ANK2: variants seen among roughly 807,000 people sequenced by gnomAD.
ANK2 encodes ankyrin 2.
ANK2 carries 83 observed loss-of-function variants against 360.5 expected under a neutral mutation model. That is an observed-to-expected ratio of 0.23 (90% CI 0.19 to 0.28). ANK2 has a LOEUF of 0.28. Ranked by LOEUF, ANK2 falls within the 10% of genes least tolerant of loss-of-function variation. The probability of loss-of-function intolerance (pLI) is 1.00; values close to 1 mark genes in which losing one functional copy is unlikely to be tolerated. For missense variants in ANK2, 4,201 were observed against 4,795.7 expected (o/e 0.88, Z 3.66); for synonymous variants, 1,740 against 1,759.5 (o/e 0.99, Z 0.28).
intron 1 of ANK2, among the ~76,000 whole-genome samples, chr4:113,073,200 C>T (rs1197502844): frequency 6.6e-6 from 1 of 151,870 alleles, no homozygotes; most frequent in Non-Finnish European, 1.5e-5. Flanking sequence ...AGGTGATCCA[C>T]CTGTCTCGGC....
At chr4:113,266,121 G>A (rs762202356) in intron 14 of ANK2, among the ~76,000 whole-genome samples, 3 of 151,892 alleles carry the variant, frequency 2.0e-5, no homozygotes, top group Non-Finnish European at 2.9e-5. Context: ...CCCTACCCCC[G>A]ACAGTCTCCA....
chr4:113,152,079 G>GAAAAAAA (rs1554193694), intron 1 of ANK2, among the ~76,000 whole-genome samples: 38 of 25,418 alleles, frequency 1.5e-3, no homozygotes, highest in East Asian at 2.5e-3. Context: ...AAAAAAAAAA[G>GAAAAAAA]AAAAAAAAAA....
At chr4:113,255,672 C>G (rs1360532602) in intron 10 of ANK2, 63 bp from the exon 11 acceptor site, 1 of 1,564,494 alleles carries the variant, frequency 6.4e-7, no homozygotes, top group African/African-American at 1.4e-5. Context: ...CTTTGCTGTA[C>G]TTTGGAACCT....
the ANK2 span, among the ~76,000 whole-genome samples, chr4:112,748,184 GT>G: frequency 6.6e-6 from 1 of 152,142 alleles, no homozygotes; most frequent in East Asian, 1.9e-4. Flanking sequence ...AAAAAACAAA[GT>G]TTTAAAATCT....
chr4:113,085,686 T>TA (rs557612364), intron 1 of ANK2, among the ~76,000 whole-genome samples: 68 of 152,278 alleles, frequency 4.5e-4, no homozygotes, highest in African/African-American at 1.6e-3. Flanking sequence ...GATAACTTTG[T>TA]AAAAGTCTTC....
At chr4:112,738,146 A>T in the ANK2 span, among the ~76,000 whole-genome samples, 1 of 152,192 alleles carries the variant, frequency 6.6e-6, no homozygotes, top group African/African-American at 2.4e-5. Flanking sequence ...GCAGTGGCTA[A>T]CACCTGTAAT....
chr4:113,047,029 A>G (rs1317023611), upstream of ANK2, among the ~76,000 whole-genome samples: 3 of 152,234 alleles, frequency 2.0e-5, no homozygotes, highest in African/African-American at 7.2e-5. Flanking sequence ...CTGACAAAGA[A>G]CATTAACAGC....
intron 24 of ANK2, among the ~76,000 whole-genome samples, chr4:113,316,338 C>A (rs2082950428): frequency 6.6e-6 from 1 of 152,094 alleles, no homozygotes; most frequent in Non-Finnish European, 1.5e-5. Context: ...TTGGAATATA[C>A]CTACATGTAA....
intron 1 of ANK2, among the ~76,000 whole-genome samples, chr4:112,831,286 A>T (rs1170999822): frequency 3.9e-5 from 6 of 152,174 alleles, no homozygotes. Context: ...GGGTGGGGAC[A>T]TGGAGAACTT....
rs751940643 is a variant in ANK2 at position 113,381,453 on chromosome 4, C to G, written c.11860-4C>G. 8 of 1,614,000 alleles carry G rather than the reference C, an allele frequency of 5.0e-6. No individual in the cohort carries two copies. ...GTAATTCTCTCTTGTCTGCTTTTCT[C>G]CAGGACAACAATGAGTAAAGCCATC... On this transcript the variant is annotated splice_polypyrimidine_tract_variant and splice_region_variant and intron_variant, in intron 45 of 45. Coordinates refer to ENST00000357077, the MANE Select transcript of ANK2 (RefSeq NM_001148.6).
At chr4:113,151,400 G>A (rs1215803277) in intron 1 of ANK2, among the ~76,000 whole-genome samples, 1 of 152,142 alleles carries the variant, frequency 6.6e-6, no homozygotes, top group African/African-American at 2.4e-5. Context: ...TTCCACTCAC[G>A]GAGGAAAGGG....
chr4:113,068,051 CCCAAAGAAAG>C (rs2076238965), intron 1 of ANK2, among the ~76,000 whole-genome samples: 4 of 152,244 alleles, frequency 2.6e-5, no homozygotes, highest in Non-Finnish European at 5.9e-5. Flanking sequence ...GATAGCCATT[CCCAAAGAAAG>C]CCAAAACATA....
rs2096002382 is a variant in ANK2, at chr4:113,358,834, A to G, written c.10216A>G (p.Lys3406Glu). ...SLDSKTKCPV[K>E]TRSYTETETE... ...GGATTCAAAGACCAAATGCCCAGTAAAAACCCGAAGTTACACTGAGACAGA... is the reference window on the plus strand; with the variant it reads ...GGATTCAAAGACCAAATGCCCAGTAGAAACCCGAAGTTACACTGAGACAGA... Residue 3406 changes from lysine (K) to glutamate (E), a missense_variant, in exon 38 of 46, where the codon AAA (lysine) becomes GAA (glutamate). Lys to Glu is a moderately conservative substitution (Grantham distance 56, BLOSUM62 1). Around this residue, in one of 4 missense-constraint regions of ANK2, gnomAD observed 2,642 missense variants for 2,714.5 expected, o/e 0.97. Transcript: ENST00000357077. 1 of 1,614,014 alleles carries G rather than the reference A, an allele frequency of 6.2e-7. No individual in the cohort carries two copies. The highest frequency in any genetic ancestry group is 1.3e-5 in the African/African-American group (1 of 74,932).
At chr4:112,857,654 C>T (rs774145362) in intron 1 of ANK2, among the ~76,000 whole-genome samples, 2 of 152,188 alleles carry the variant, frequency 1.3e-5, no homozygotes, top group Non-Finnish European at 2.9e-5. Flanking sequence ...CAGTGATTCA[C>T]CTCCTGCTGA....
intron 24 of ANK2, among the ~76,000 whole-genome samples, chr4:113,316,436 C>T (rs377221352): frequency 2.6e-5 from 4 of 152,134 alleles, no homozygotes; most frequent in African/African-American, 9.7e-5. Flanking sequence ...TATGTTGACA[C>T]CTCATAGATA....
the ANK2 span, among the ~76,000 whole-genome samples, chr4:112,772,162 A>G: frequency 6.6e-6 from 1 of 152,182 alleles, no homozygotes; most frequent in Non-Finnish European, 1.5e-5. Flanking sequence ...TATAAAGAAA[A>G]AGAAGTTTAA....
intron 2 of ANK2, among the ~76,000 whole-genome samples, chr4:112,933,720 G>A (rs932100999): frequency 6.6e-6 from 1 of 152,036 alleles, no homozygotes; most frequent in African/African-American, 2.4e-5. Flanking sequence ...GGCTGGTCTC[G>A]AACTCCTGAC....
intron 5 of ANK2, among the ~76,000 whole-genome samples, chr4:113,234,675 G>A (rs1240136118): frequency 6.6e-6 from 1 of 152,136 alleles, no homozygotes; most frequent in Non-Finnish European, 1.5e-5. Context: ...GCCCTGAGCT[G>A]TTTGGTAGCT....
In ANK2 at chr4:113,328,868, C is replaced by T. The variant is rs969792303; in HGVS notation, c.2901-1378C>T. Among the ~76,000 whole-genome samples, 8 of 152,178 alleles carry T rather than the reference C, an allele frequency of 5.3e-5. 1 individual carries two copies. The highest frequency in any genetic ancestry group is 5.9e-5 in the Non-Finnish European group (4 of 68,018). On this transcript the variant is annotated intron_variant, in intron 26 of 45. Coordinates refer to ENST00000357077, the MANE Select transcript of ANK2 (RefSeq NM_001148.6). ...AAGAAGATGCTAAGATATTTTTCTT[C>T]ATTTATCTAAAAATAACATAAATGT...
Sources: allele counts gnomAD v4.1 joint callset (sites outside exome capture counted in the v4.1 genomes callset), GRCh38; gene constraint gnomAD v4.1.1; regional missense constraint gnomAD v4.1.1; transcripts MANE v1.5; gene names NCBI Gene and HGNC (gene_info 2026-07-23, HGNC 2026-07-21).